Variants in BBS9 observed in about 807,000 individuals in gnomAD.
The protein encoded by BBS9 is Bardet-Biedl syndrome 9, also known as protein PTHB1.
Under a neutral mutation model 117.7 loss-of-function variants are expected in BBS9, and 89 were observed. That is an observed-to-expected ratio of 0.76 (90% CI 0.64 to 0.90). The LOEUF (loss-of-function observed/expected upper bound fraction) is 0.90. BBS9 is among the 40% of genes least tolerant of loss of function. The probability of loss-of-function intolerance (pLI) is 0.00; values close to 1 mark genes in which losing one functional copy is unlikely to be tolerated. For missense variants in BBS9, 982 were observed against 1,042.2 expected, an observed-to-expected ratio of 0.94 and a Z score of 0.80; for synonymous variants, 379 against 370.9, an observed-to-expected ratio of 1.02 and a Z score of -0.25.
At chr7:33,181,638 G>A (rs1469949404) in intron 5 of BBS9, among the ~76,000 whole-genome samples, 1 of 152,102 alleles carries the variant, frequency 6.6e-6, no homozygotes, top group Non-Finnish European at 1.5e-5. Flanking sequence ...AGCCTGTTGT[G>A]CTTTTATTCC....
chr7:33,604,934 T>G lies in BBS9; in HGVS notation c.2591T>G (p.Phe864Cys), dbSNP rs1490049568. The G allele has an allele frequency of 8.1e-6, 13 of 1,613,742 alleles. No homozygotes were observed. The highest frequency in any genetic ancestry group is 1.0e-5 in the Non-Finnish European group (12 of 1,179,754). ...GTAGAACAAGACTCTACAGAACTGT[T>G]TACCAACCACAGACATCTCACTGCA... Reference protein sequence around the residue: ...RSVEQDSTELFTNHRHLTAET... With the variant: ...RSVEQDSTELCTNHRHLTAET... The change falls in exon 22 of 23, where the codon TTT (phenylalanine) becomes TGT (cysteine). Residue 864 changes from phenylalanine to cysteine, a missense_variant. Transcript: ENST00000242067.
At chr7:33,466,132 C>T (rs79707087) in intron 19 of BBS9, among the ~76,000 whole-genome samples, 10,325 of 152,098 alleles carry the variant, frequency 0.068, 403 homozygotes, top group African/African-American at 0.081. Flanking sequence ...TATGCATCAA[C>T]TCACAGTTAG....
Position 33,358,000 on chromosome 7 carries a change from GACTGT to G in BBS9, c.1693+6_1693+10del. 1 of 1,611,384 alleles carries G rather than the reference GACTGT, an allele frequency of 6.2e-7. No homozygotes were observed. Among genetic ancestry groups the G allele is most frequent in the Non-Finnish European group, 8.5e-7 (1 of 1,178,284 alleles). On this transcript the variant is annotated splice_donor_region_variant and intron_variant, in intron 16 of 22. Transcript: ENST00000242067. ...GTCTTCTTAGTCTCTTCCCAGGTAAGACTGTTGAAATAACATGCCTGCAGCATCAA... is the reference window on the plus strand; with the variant it reads ...GTCTTCTTAGTCTCTTCCCAGGTAAGTGAAATAACATGCCTGCAGCATCAA...
At chr7:33,405,787 A>G (rs1227931597) in intron 19 of BBS9, among the ~76,000 whole-genome samples, 1 of 152,072 alleles carries the variant, frequency 6.6e-6, no homozygotes, top group African/African-American at 2.4e-5. Context: ...GATCTTTTCA[A>G]AAAACCAGCT....
chr7:33,355,973 T>C (rs1460551878), intron 15 of BBS9, among the ~76,000 whole-genome samples: 1 of 151,872 alleles, frequency 6.6e-6, no homozygotes, highest in African/African-American at 2.4e-5. Flanking sequence ...GGAGGAACAT[T>C]CACAGCCAAA....
intron 21 of BBS9, chr7:33,534,483 A>C: frequency 6.9e-6 from 3 of 435,480 alleles, no homozygotes; most frequent in South Asian, 4.3e-5. Flanking sequence ...TTTAAGAAAA[A>C]GTTTTACTAA....
chr7:33,304,312 C>T (rs1277972056), intron 9 of BBS9, among the ~76,000 whole-genome samples: 3 of 135,330 alleles, frequency 2.2e-5, no homozygotes, highest in Non-Finnish European at 4.7e-5. Flanking sequence ...CCCGGCCGCC[C>T]CGTCTGGGAA....
chr7:33,184,321 G>A (rs1798509265), intron 5 of BBS9, among the ~76,000 whole-genome samples: 1 of 152,186 alleles, frequency 6.6e-6, no homozygotes, highest in African/African-American at 2.4e-5. Flanking sequence ...GAGAAAAGAA[G>A]CTCCCCATGT....
chr7:33,490,331 CTTTTTT>C (rs1843722522), intron 19 of BBS9, among the ~76,000 whole-genome samples: 1 of 150,982 alleles, frequency 6.6e-6, no homozygotes, highest in East Asian at 1.9e-4. Flanking sequence ...TTTTCTTTTT[CTTTTTT>C]GTTTTTTTCT....
At chr7:33,147,745 A>T (rs4720107) in intron 2 of BBS9, among the ~76,000 whole-genome samples, 24,015 of 152,146 alleles carry the variant, frequency 0.16, 2,070 homozygotes, top group South Asian at 0.21. Flanking sequence ...AACATACTGT[A>T]CACTCATTCA....
chr7:33,431,028 GA>G (rs879655079), intron 19 of BBS9, among the ~76,000 whole-genome samples: 166 of 128,744 alleles, frequency 1.3e-3, no homozygotes, highest in East Asian at 3.2e-3. Context: ...GTCTCTGTGA[GA>G]AAAAAAAAAA....
At chr7:33,449,128 G>C (rs900300062) in intron 19 of BBS9, among the ~76,000 whole-genome samples, 1 of 152,170 alleles carries the variant, frequency 6.6e-6, no homozygotes, top group Admixed American at 6.5e-5. Flanking sequence ...AAGAAACCCA[G>C]GTCCTGAGTC....
intron 5 of BBS9, among the ~76,000 whole-genome samples, chr7:33,187,658 G>A (rs575367990): frequency 6.6e-6 from 1 of 152,360 alleles, no homozygotes; most frequent in South Asian, 2.1e-4. Context: ...GGTGGCTCAT[G>A]CCTGTAATCC....
downstream of BBS9, among the ~76,000 whole-genome samples, chr7:33,606,375 A>C (rs1487357649): frequency 6.6e-6 from 1 of 152,172 alleles, no homozygotes; most frequent in Non-Finnish European, 1.5e-5. Flanking sequence ...ATTCTATTGG[A>C]TGCTGTCTTC....
At chr7:33,418,610 C>T (rs955890200) in intron 19 of BBS9, among the ~76,000 whole-genome samples, 5 of 152,130 alleles carry the variant, frequency 3.3e-5, no homozygotes, top group African/African-American at 9.7e-5. Context: ...ATTGCAGGCT[C>T]CCTAGGTCGC....
intron 5 of BBS9, among the ~76,000 whole-genome samples, chr7:33,198,651 TA>T (rs1785321138): frequency 6.6e-6 from 1 of 152,020 alleles, no homozygotes; most frequent in Non-Finnish European, 1.5e-5. Flanking sequence ...TGTTGAGTAT[TA>T]CAACAAAGAG....
At chr7:33,300,973 C>G (rs1233261521) in intron 9 of BBS9, among the ~76,000 whole-genome samples, 1 of 152,084 alleles carries the variant, frequency 6.6e-6, no homozygotes, top group East Asian at 1.9e-4. Context: ...TTTCTTTCAG[C>G]ACTTTGAAGA....
At chr7:33,139,430 A>AT (rs757242356) in intron 1 of BBS9, among the ~76,000 whole-genome samples, 24 of 148,156 alleles carry the variant, frequency 1.6e-4, no homozygotes, top group Admixed American at 6.2e-4. Context: ...ATATTGGAGG[A>AT]TTTTTTGTAT....
chr7:33,273,964 A>G lies in BBS9; in HGVS notation c.1016+8A>G, dbSNP rs764497730. 5.6e-5 allele frequency: 91 copies of G among 1,613,470 alleles called. 1 individual carries two copies. The highest frequency in any genetic ancestry group is 1.6e-4 in the Middle Eastern group (1 of 6,074). Reference sequence around the variant, plus strand: ...AAGAGTGGGCTGTTTGCAGTAAGTGATTTAATTTAACACAGTTTTTAAAGA... The same window carrying G: ...AAGAGTGGGCTGTTTGCAGTAAGTGGTTTAATTTAACACAGTTTTTAAAGA... On this transcript the variant is annotated splice_region_variant and intron_variant, in intron 9 of 22. Transcript: ENST00000242067.
Sources: allele counts gnomAD v4.1 joint callset (sites outside exome capture counted in the v4.1 genomes callset), GRCh38; gene constraint gnomAD v4.1.1; transcripts MANE v1.5; gene names NCBI Gene and HGNC (gene_info 2026-07-23, HGNC 2026-07-21).